CCDC146: variants seen among roughly 807,000 people sequenced by gnomAD.
The protein encoded by CCDC146 is coiled-coil domain-containing protein 146.
Under a neutral mutation model 119.3 loss-of-function variants are expected in CCDC146, and 92 were observed. The observed-to-expected ratio is 0.77, with a 90% CI of 0.65 to 0.92. The LOEUF is 0.92. CCDC146 is among the 40% of genes least tolerant of loss of function. CCDC146 has a pLI of 0.00. For synonymous variants in CCDC146, 372 were observed against 371.8 expected (o/e 1.00, Z -0.01); for missense variants, 1,000 against 1,103.0 (o/e 0.91, Z 1.32).
chr7:77,199,333 A>C, intron 2 of CCDC146: 1 of 1,614,120 alleles, frequency 6.2e-7, no homozygotes, highest in Middle Eastern at 1.6e-4. Flanking sequence ...GCGACCATGA[A>C]GTACATTGAT....
chr7:77,126,429 G>A (rs977855913), intron 1 of CCDC146, among the ~76,000 whole-genome samples: 2 of 151,996 alleles, frequency 1.3e-5, no homozygotes, highest in Non-Finnish European at 2.9e-5. Flanking sequence ...AAGGGTGAAC[G>A]AGACGAAGAT....
At chr7:77,222,876 A>G (rs562068860) in intron 2 of CCDC146, among the ~76,000 whole-genome samples, 4 of 152,184 alleles carry the variant, frequency 2.6e-5, no homozygotes, top group Non-Finnish European at 5.9e-5. Context: ...ACATCCTGCA[A>G]CAGAATTCCT....
chr7:77,263,553 C>T (rs753375161), intron 9 of CCDC146, among the ~76,000 whole-genome samples: 6 of 152,186 alleles, frequency 3.9e-5, no homozygotes, highest in Admixed American at 1.3e-4. Context: ...GTGAAAAAAT[C>T]GGTTAGGGTT....
At chr7:77,160,801 T>G (rs1362547076) in intron 1 of CCDC146, among the ~76,000 whole-genome samples, 2 of 152,148 alleles carry the variant, frequency 1.3e-5, no homozygotes, top group East Asian at 3.8e-4. Context: ...CTAATTAAAC[T>G]AAAGAGCTTC....
chr7:77,143,193 G>C (rs1484272523), intron 1 of CCDC146, among the ~76,000 whole-genome samples: 1 of 151,774 alleles, frequency 6.6e-6, no homozygotes, highest in Non-Finnish European at 1.5e-5. Flanking sequence ...TCATGTGTCT[G>C]TTGGCTGCAT....
intron 18 of CCDC146, 107 bp downstream of exon 18, chr7:77,293,307 C>A: frequency 8.7e-7 from 1 of 1,155,142 alleles, no homozygotes; most frequent in Non-Finnish European, 1.2e-6. Context: ...CACTCTACCA[C>A]ACACAGTCCC....
At chr7:77,195,281 C>T (rs558448047) in intron 2 of CCDC146, 22 of 150,166 alleles carry the variant, frequency 1.5e-4, no homozygotes, top group African/African-American at 5.1e-4. Flanking sequence ...CAGTTTTCAA[C>T]ATCAAACATC....
At chr7:77,134,011 G>A (rs1790825519) in intron 1 of CCDC146, among the ~76,000 whole-genome samples, 1 of 152,074 alleles carries the variant, frequency 6.6e-6, no homozygotes, top group African/African-American at 2.4e-5. Flanking sequence ...GACCCCTGTG[G>A]ATACCAAAAT....
In CCDC146 at chr7:77,293,121, A is replaced by G. The variant is rs761533573; in HGVS notation, c.2585A>G (p.Asn862Ser). 1.1e-5 allele frequency: 17 copies of G among 1,614,088 alleles called. No individual in the cohort carries two copies. The Middle Eastern group carries it at 4.9e-4, about 47-fold the overall frequency. The change falls in exon 18 of 19, where the codon AAT becomes AGT. Residue 862 changes from asparagine (N) to serine (S), a missense_variant. Asn to Ser is a conservative substitution (Grantham distance 46, BLOSUM62 1). This residue lies in a region of CCDC146 where 985 missense variants were observed against 1,045.3 expected (regional missense o/e 0.94). Transcript: ENST00000285871. ...AGGATAGAAAAAGGTCTGCCACTCA[A>G]TAAGGAAATTGAGAAAGAATGGTTG... ...NSRIEKGLPL[N>S]KEIEKEWLKV...
chr7:77,172,074 A>T (rs533606328), intron 2 of CCDC146, among the ~76,000 whole-genome samples: 50 of 152,350 alleles, frequency 3.3e-4, no homozygotes, highest in African/African-American at 1.1e-3. Context: ...TAGTATCAAT[A>T]TCAGCAATTT....
intron 2 of CCDC146, among the ~76,000 whole-genome samples, chr7:77,225,698 T>C (rs112460697): frequency 6.6e-6 from 1 of 152,070 alleles, no homozygotes; most frequent in African/African-American, 2.4e-5. Context: ...ATCCCAACAC[T>C]TTGGGAGGCC....
At chr7:77,279,563 C>A (rs1793724775) in intron 13 of CCDC146, among the ~76,000 whole-genome samples, 1 of 152,162 alleles carries the variant, frequency 6.6e-6, no homozygotes. Context: ...TGTAAAGCAT[C>A]TCATGTGTTG....
chr7:77,265,974 T>C (rs1050906331), intron 9 of CCDC146, among the ~76,000 whole-genome samples: 3 of 152,206 alleles, frequency 2.0e-5, no homozygotes, highest in Non-Finnish European at 4.4e-5. Context: ...GTGGAATGAA[T>C]TACTTAACCA....
chr7:77,294,463 G>GGGGTGTGTGTGT (rs1233864398), intron 18 of CCDC146, among the ~76,000 whole-genome samples, 200 bp from the exon 19 acceptor site: 2 of 134,232 alleles, frequency 1.5e-5, no homozygotes, highest in African/African-American at 5.6e-5. Flanking sequence ...ATGAGAGGTA[G>GGGGTGTGTGTGT]GTGTGTGTGT....
In CCDC146 at chr7:77,280,541, G is replaced by A; in HGVS notation, c.1807G>A (p.Glu603Lys). The A allele has an allele frequency of 6.2e-7, 1 of 1,614,082 alleles. No individual in the cohort carries two copies. Among genetic ancestry groups the A allele is most frequent in the Non-Finnish European group, 8.5e-7 (1 of 1,179,984 alleles). The change falls in exon 14 of 19, where the codon GAA becomes AAA. Residue 603 changes from glutamate to lysine, a missense_variant. Around this residue, in one of 2 missense-constraint regions of CCDC146, gnomAD observed 985 missense variants for 1,045.3 expected, o/e 0.94. Coordinates refer to ENST00000285871, the MANE Select transcript of CCDC146 (RefSeq NM_020879.3). ...ACTTCAGGAAATGAAAGAAAAGAAG[G>A]AAGCCCAGTTAAATAACATTGACAG... is the stretch of plus-strand genomic sequence containing the variant. ...SKLQEMKEKKEAQLNNIDRLA... is the reference protein window; with the variant it reads ...SKLQEMKEKKKAQLNNIDRLA...
intron 1 of CCDC146, among the ~76,000 whole-genome samples, chr7:77,133,781 C>T (rs1176578277): frequency 8.1e-5 from 12 of 148,790 alleles, no homozygotes; most frequent in Non-Finnish European, 1.5e-4. Flanking sequence ...TCCATCCTAA[C>T]AAATAAAAAG....
At chr7:77,148,959 C>T (rs1791066787) in intron 1 of CCDC146, among the ~76,000 whole-genome samples, 1 of 152,166 alleles carries the variant, frequency 6.6e-6, no homozygotes, top group Non-Finnish European at 1.5e-5. Flanking sequence ...TGACTTTCTT[C>T]ACAGAATTAG....
intron 9 of CCDC146, among the ~76,000 whole-genome samples, chr7:77,272,952 A>G (rs1334243528): frequency 2.6e-5 from 4 of 152,184 alleles, no homozygotes; most frequent in African/African-American, 9.7e-5. Context: ...GTAGCAAACT[A>G]TCCCCACTAT....
intron 1 of CCDC146, among the ~76,000 whole-genome samples, chr7:77,151,911 T>G (rs1247917037): frequency 1.3e-5 from 2 of 152,198 alleles, no homozygotes; most frequent in African/African-American, 4.8e-5. Context: ...TTTCAAGGAC[T>G]TTTGTAGTGT....
Sources: gnomAD v4.1 joint callset for allele counts (sites outside exome capture counted in the v4.1 genomes callset) on GRCh38, gnomAD v4.1.1 for gene constraint, gnomAD v4.1.1 regional missense constraint, MANE v1.5 for transcripts, NCBI Gene and HGNC (gene_info 2026-07-23, HGNC 2026-07-21) for gene names.